The following PHF24 variants were observed in gnomAD, a reference collection of about 807,000 sequenced individuals.
PHF24 encodes the protein Galpha inhibitory interacting protein.
In PHF24, 25 loss-of-function variants were observed where a neutral mutation model predicts 42.6. The observed-to-expected ratio is 0.59, with a 90% CI of 0.43 to 0.82. The LOEUF is 0.82. Ranked by LOEUF, PHF24 falls within the 40% of genes least tolerant of loss-of-function variation. The pLI is 0.00. For synonymous variants in PHF24, 185 were observed against 204.8 expected, an observed-to-expected ratio of 0.90 and a Z score of 0.83; for missense variants, 470 against 538.1, an observed-to-expected ratio of 0.87 and a Z score of 1.25.
At chr9:34,751,333 C>G in the PHF24 span, among the ~76,000 whole-genome samples, 25 of 152,138 alleles carry the variant, frequency 1.6e-4, no homozygotes, top group Admixed American at 1.4e-3. Context: ...CCATTGCACT[C>G]TAGCCTGGGC....
At chr9:34,741,138 G>T in the PHF24 span, among the ~76,000 whole-genome samples, 1,656 of 151,962 alleles carry the variant, frequency 0.011, 18 homozygotes, top group Admixed American at 0.028. Context: ...CACCTGCCTT[G>T]GCCTCCCAAA....
At chr9:34,748,973 A>G in the PHF24 span, among the ~76,000 whole-genome samples, 1 of 152,188 alleles carries the variant, frequency 6.6e-6, no homozygotes, top group Non-Finnish European at 1.5e-5. Context: ...CAGAGAAAAA[A>G]TTCAGAATTC....
At chr9:34,729,145 C>G in the PHF24 span, 1 of 1,069,644 alleles carries the variant, frequency 9.3e-7, no homozygotes, top group Non-Finnish European at 1.3e-6. Flanking sequence ...ATTATAGTCT[C>G]TGAGAAGAAA....
the PHF24 span, among the ~76,000 whole-genome samples, chr9:34,855,354 G>A: frequency 6.6e-5 from 10 of 152,292 alleles, no homozygotes; most frequent in Admixed American, 1.3e-4. Flanking sequence ...TGTTTGTGTG[G>A]TTGCTTAATA....
At chr9:34,954,656 C>T (rs573181122), upstream of PHF24, among the ~76,000 whole-genome samples, 20 of 152,314 alleles carry the variant, frequency 1.3e-4, no homozygotes, top group African/African-American at 4.6e-4. Context: ...TTAGTCTCAT[C>T]TTCATGTTTA....
At chr9:34,948,571 A>G in the PHF24 span, among the ~76,000 whole-genome samples, 6 of 152,230 alleles carry the variant, frequency 3.9e-5, no homozygotes, top group African/African-American at 1.4e-4. Flanking sequence ...AAATGCCTGC[A>G]GTATTCAGTA....
chr9:34,786,630 C>G, the PHF24 span, among the ~76,000 whole-genome samples: 2 of 152,332 alleles, frequency 1.3e-5, no homozygotes, highest in Non-Finnish European at 2.9e-5. Context: ...TTCTCTTTTG[C>G]AAGTGAAATG....
At chr9:34,899,554 G>A in the PHF24 span, among the ~76,000 whole-genome samples, 2 of 152,198 alleles carry the variant, frequency 1.3e-5, no homozygotes, top group African/African-American at 4.8e-5. Flanking sequence ...GAGGTGCATA[G>A]TTGCTGCAAC....
At chr9:34,889,177 A>G in the PHF24 span, 3 of 398,580 alleles carry the variant, frequency 7.5e-6, no homozygotes, top group Non-Finnish European at 1.3e-5. Flanking sequence ...GGAACCTATG[A>G]ACTCCTTTTT....
chr9:34,922,898 C>T, the PHF24 span: 1 of 1,546,148 alleles, frequency 6.5e-7, no homozygotes, highest in Non-Finnish European at 8.8e-7. Flanking sequence ...GTTTGGCCTT[C>T]TGAACCAGCT....
At chr9:34,780,144 G>A in the PHF24 span, among the ~76,000 whole-genome samples, 2 of 151,988 alleles carry the variant, frequency 1.3e-5, no homozygotes, top group Non-Finnish European at 2.9e-5. Flanking sequence ...TACCTTACAC[G>A]CTGTACAAAA....
chr9:34,691,122 GGC>G, the PHF24 span: 1 of 1,613,350 alleles, frequency 6.2e-7, no homozygotes, highest in African/African-American at 1.3e-5. Context: ...GCAGGCTGAG[GGC>G]CAGTAGCAGG....
the PHF24 span, among the ~76,000 whole-genome samples, chr9:34,894,150 G>A: frequency 3.3e-5 from 5 of 152,128 alleles, no homozygotes; most frequent in African/African-American, 7.2e-5. Flanking sequence ...AGCTTGTCTC[G>A]TGGCTGAATG....
chr9:34,958,240 G>GCCA, upstream of PHF24: 1 of 151,200 alleles, frequency 6.6e-6, no homozygotes, highest in Non-Finnish European at 1.4e-5. The surrounding 1 kb of genome is among the most constrained non-coding windows in gnomAD (Gnocchi z 4.5). Flanking sequence ...CGCCGCCGCC[G>GCCA]CCGCCGCCGC....
chr9:34,814,319 A>G, the PHF24 span, among the ~76,000 whole-genome samples: 3 of 152,156 alleles, frequency 2.0e-5, no homozygotes, highest in Admixed American at 6.5e-5. Flanking sequence ...GAGAGAGGCA[A>G]CCTGTCCTGG....
the PHF24 span, among the ~76,000 whole-genome samples, chr9:34,845,746 C>A: frequency 9.3e-6 from 1 of 108,048 alleles, no homozygotes; most frequent in Admixed American, 1.2e-4. Flanking sequence ...CGATCCCTCC[C>A]CCCTCCCCCC....
chr9:34,883,969 T>C, the PHF24 span, among the ~76,000 whole-genome samples: 2 of 152,226 alleles, frequency 1.3e-5, no homozygotes, highest in African/African-American at 2.4e-5. Context: ...CCAGCCCAAA[T>C]GTCCATCAGT....
the PHF24 span, among the ~76,000 whole-genome samples, chr9:34,814,422 G>T: frequency 6.6e-6 from 1 of 152,192 alleles, no homozygotes; most frequent in Non-Finnish European, 1.5e-5. Context: ...TAGGGTTAAG[G>T]TAATGTCTAC....
At chr9:34,838,444 G>A in the PHF24 span, 143 of 1,312,262 alleles carry the variant, frequency 1.1e-4, no homozygotes, top group Non-Finnish European at 1.4e-4. Flanking sequence ...GGAGCCATAG[G>A]TGTATAAGGG....
Sources: gnomAD v4.1 joint callset for allele counts (sites outside exome capture counted in the v4.1 genomes callset) on GRCh38, gnomAD v4.1.1 for gene constraint, Gnocchi (gnomAD v3.1) non-coding constraint, MANE v1.5 for transcripts, NCBI Gene and HGNC (gene_info 2026-07-23, HGNC 2026-07-21) for gene names.